RHOQ: variants seen among roughly 807,000 people sequenced by gnomAD.
The protein encoded by RHOQ is rho-related GTP-binding protein RhoQ.
In RHOQ, 7 loss-of-function variants were observed where a neutral mutation model predicts 25.8. The ratio of observed to expected loss-of-function variants is 0.27; its 90% CI spans 0.15 to 0.51. The LOEUF (loss-of-function observed/expected upper bound fraction) is 0.51, where lower values mean the gene tolerates loss of function less well. Ranked by LOEUF, RHOQ falls within the 20% of genes least tolerant of loss-of-function variation. The pLI is 0.97. For missense variants in RHOQ, 165 were observed against 260.6 expected (o/e 0.63, Z 2.53); for synonymous variants, 97 against 98.6 (o/e 0.98, Z 0.10).
At chr2:46,557,797 A>G (rs552003164) in intron 2 of RHOQ, among the ~76,000 whole-genome samples, 2 of 152,356 alleles carry the variant, frequency 1.3e-5, no homozygotes, top group South Asian at 2.1e-4. Flanking sequence ...GTTTATTTTG[A>G]TAACAAATAT....
intron 2 of RHOQ, among the ~76,000 whole-genome samples, chr2:46,561,985 G>A (rs1668592909): frequency 6.6e-6 from 1 of 152,140 alleles, no homozygotes; most frequent in Non-Finnish European, 1.5e-5. Flanking sequence ...GTGTCTCACT[G>A]GTTGCTTAAC....
At position 46,543,191 on chromosome 2, in the gene RHOQ, A is replaced by T. The variant is rs1251305945; in HGVS notation, c.142+3A>T. 2.5e-6 allele frequency: 4 copies of T among 1,611,412 alleles called. No homozygotes were observed. The African/African-American group carries it at 4.0e-5, about 16-fold the overall frequency. On this transcript the variant is annotated splice_donor_region_variant and intron_variant, in intron 1 of 4. Transcript: ENST00000238738. Reference sequence around the variant, plus strand: ...CACCGTCTTCGACCACTACGCAGGTAAGCCTCGGAACTGCTGACTAAGGGG... The same window carrying T: ...CACCGTCTTCGACCACTACGCAGGTTAGCCTCGGAACTGCTGACTAAGGGG...
chr2:46,558,904 C>A (rs984991463), intron 2 of RHOQ, among the ~76,000 whole-genome samples: 1 of 151,850 alleles, frequency 6.6e-6, no homozygotes, highest in Non-Finnish European at 1.5e-5. Context: ...GTGCCTTTTC[C>A]TGTTGTCTGG....
Position 46,563,742 on chromosome 2 carries a change from A to G in RHOQ, c.202-12345A>G, listed in dbSNP as rs1668642566. On this transcript the variant is annotated intron_variant, in intron 2 of 4. Transcript: ENST00000238738. ...AGTGTGCATGTGTGCATACACACGCATGTGTGTCTGGGTACCTGTAAGGCA... is the reference window on the plus strand; with the variant it reads ...AGTGTGCATGTGTGCATACACACGCGTGTGTGTCTGGGTACCTGTAAGGCA... 2.6e-5 allele frequency among the ~76,000 whole-genome samples: 4 copies of G among 152,078 alleles called. No homozygotes were observed. The South Asian group carries it at 8.3e-4, about 31-fold the overall frequency.
Position 46,555,677 on chromosome 2 carries a change from T to C in RHOQ, c.201+11865T>C, listed in dbSNP as rs1435338860. Among the ~76,000 whole-genome samples the C allele has an allele frequency of 6.6e-6, 1 of 152,238 alleles. No homozygotes were observed. Among genetic ancestry groups the C allele is most frequent in the Non-Finnish European group, 1.5e-5 (1 of 68,034 alleles). ...AGGTCTGTTTGGATGAAATACTGGC[T>C]ATGCGCATGTACTGTTCTCCAGCAA... On this transcript the variant is annotated intron_variant, in intron 2 of 4. Transcript: ENST00000238738. This position sits in a 1 kb window ranked among gnomAD's most constrained non-coding sequence, Gnocchi z 4.3.
intron 2 of RHOQ, among the ~76,000 whole-genome samples, chr2:46,570,268 G>A (rs548105942): frequency 6.6e-5 from 10 of 152,026 alleles, no homozygotes; most frequent in South Asian, 2.1e-4. Context: ...GTGAACACCC[G>A]TTTCTACTAA....
In RHOQ at chr2:46,576,461, A is replaced by G. The variant is rs1352236592; in HGVS notation, c.367-100A>G. On this transcript the variant is annotated intron_variant, in intron 3 of 4. Coordinates refer to ENST00000238738, the MANE Select transcript of RHOQ (RefSeq NM_012249.4). This position sits in a 1 kb window ranked among gnomAD's most constrained non-coding sequence, Gnocchi z 5.1. ...TTTTAAAAATTAAGTTCTTTTGTTT[A>G]ATCTTTTTTTGGTATGTGGGAATTA... is the stretch of plus-strand genomic sequence containing the variant. 1.1e-6 allele frequency: 1 copy of G among 930,336 alleles called. No individual in the cohort carries two copies. Among genetic ancestry groups the G allele is most frequent in the Admixed American group, 2.7e-5 (1 of 37,384 alleles). 57.6% of individuals were successfully genotyped at this position (930,336 alleles called of 1,614,324 possible). A position where few individuals can be genotyped will look rare whatever the true frequency, so the allele number is the denominator to read the frequency against.
chr2:46,551,456 T>C lies in RHOQ; in HGVS notation c.201+7644T>C, dbSNP rs1199193778. ...CTCATATTCTGAGTGGGAAGAATAG[T>C]GTAGGGAGGAACGGCAGAGGGGGTG... On this transcript the variant is annotated intron_variant, in intron 2 of 4. Transcript: ENST00000238738. Among the ~76,000 whole-genome samples the C allele has an allele frequency of 1.3e-4, 20 of 152,074 alleles. 1 individual carries two copies. Among genetic ancestry groups the C allele is most frequent in the Admixed American group, 1.3e-3 (20 of 15,266 alleles).
intron 2 of RHOQ, among the ~76,000 whole-genome samples, chr2:46,550,903 G>T (rs368536764): frequency 3.9e-5 from 6 of 152,182 alleles, no homozygotes; most frequent in Middle Eastern, 3.2e-3. Flanking sequence ...GCCACAGAAA[G>T]GTCCACTACA....
rs1265980630 is a variant in RHOQ, at chr2:46,548,351, G to A, written c.201+4539G>A. On this transcript the variant is annotated intron_variant, in intron 2 of 4. Transcript: ENST00000238738. The surrounding 1 kb of genome is among the most constrained non-coding windows in gnomAD (Gnocchi z 5.2). ...GCAGGCTTGGCATGCCCCACCTTCTGCATTTTAGCAGAAGGGCCTGGCATG... is the reference window on the plus strand; with the variant it reads ...GCAGGCTTGGCATGCCCCACCTTCTACATTTTAGCAGAAGGGCCTGGCATG... 6.6e-6 allele frequency among the ~76,000 whole-genome samples: 1 copy of A among 152,174 alleles called. No homozygotes were observed. Among genetic ancestry groups the A allele is most frequent in the African/African-American group, 2.4e-5 (1 of 41,434 alleles).
intron 2 of RHOQ, among the ~76,000 whole-genome samples, chr2:46,570,962 C>T (rs1001954217): frequency 1.3e-5 from 2 of 152,172 alleles, no homozygotes; most frequent in Admixed American, 6.5e-5. Flanking sequence ...GTAATACATT[C>T]CTATAGTACT....
intron 2 of RHOQ, among the ~76,000 whole-genome samples, chr2:46,567,759 T>G (rs552342422): frequency 9.9e-5 from 15 of 152,212 alleles, no homozygotes; most frequent in African/African-American, 3.4e-4. Context: ...ATTACCTTCC[T>G]AGAAAATTCA....
chr2:46,561,195 A>G (rs1668567628), intron 2 of RHOQ, among the ~76,000 whole-genome samples: 1 of 152,044 alleles, frequency 6.6e-6, no homozygotes, highest in Non-Finnish European at 1.5e-5. Context: ...ATGTGTATAT[A>G]TGTACATATG....
At chr2:46,553,241 C>A (rs1668295784) in intron 2 of RHOQ, among the ~76,000 whole-genome samples, 1 of 152,134 alleles carries the variant, frequency 6.6e-6, no homozygotes, top group African/African-American at 2.4e-5. Flanking sequence ...CCTGCCCCCT[C>A]CCTCCCTACC....
rs182919091 is a variant in RHOQ, at chr2:46,582,748, T to C, written c.*1665T>C. 338 of 152,746 alleles carry C rather than the reference T, an allele frequency of 2.2e-3. 1 individual carries two copies. The highest frequency in any genetic ancestry group is 3.0e-3 in the Non-Finnish European group (205 of 67,994). The allele number at this position is 152,746 out of a possible 1,614,324, so 9.5% of individuals were successfully genotyped here. On this transcript the variant is annotated 3_prime_UTR_variant, in exon 5 of 5. Transcript: ENST00000238738. ...TATACTTGAAAATGACAGCCTTAAA[T>C]GCTCATATCAGTCACAAATCTAGGA...
At chr2:46,551,824 A>G (rs1008946824) in intron 2 of RHOQ, among the ~76,000 whole-genome samples, 2 of 152,224 alleles carry the variant, frequency 1.3e-5, no homozygotes, top group African/African-American at 4.8e-5. Flanking sequence ...TTTACAGCAC[A>G]TAAAGCATGT....
chr2:46,579,218 G>A (rs373212710), intron 4 of RHOQ, among the ~76,000 whole-genome samples: 7 of 152,168 alleles, frequency 4.6e-5, no homozygotes, highest in Non-Finnish European at 1.0e-4. Flanking sequence ...GACTCTCTTG[G>A]TTTTTCTCCC....
In RHOQ at chr2:46,555,070, C is replaced by A. The variant is rs1349342233; in HGVS notation, c.201+11258C>A. 6.6e-6 allele frequency among the ~76,000 whole-genome samples: 1 copy of A among 152,226 alleles called. No individual in the cohort carries two copies. The highest frequency in any genetic ancestry group is 2.4e-5 in the African/African-American group (1 of 41,454). On this transcript the variant is annotated intron_variant, in intron 2 of 4. Coordinates refer to ENST00000238738, the MANE Select transcript of RHOQ (RefSeq NM_012249.4). The surrounding 1 kb of genome is among the most constrained non-coding windows in gnomAD (Gnocchi z 4.3). ...GGAAGGGACTGGACACGAGGAGGGACAGAGCAGGCAGATGGGGGCTCTGCT... is the reference window on the plus strand; with the variant it reads ...GGAAGGGACTGGACACGAGGAGGGAAAGAGCAGGCAGATGGGGGCTCTGCT...
chr2:46,572,162 G>A lies in RHOQ; in HGVS notation c.202-3925G>A, dbSNP rs1173722642. ...GACAGGGTCTCACTCTGTCACCCAG[G>A]CATGTTCATGGCTCACTGCAGGCCC... On this transcript the variant is annotated intron_variant, in intron 2 of 4. Coordinates refer to ENST00000238738, the MANE Select transcript of RHOQ (RefSeq NM_012249.4). 5.5e-5 allele frequency among the ~76,000 whole-genome samples: 7 copies of A among 127,248 alleles called. No homozygotes were observed. In the Admixed American group the frequency reaches 5.5e-4, roughly 10 times the overall value. 83.5% of individuals were successfully genotyped at this position (127,248 alleles called of 152,430 possible).
Sources: gnomAD v4.1 joint callset for allele counts (sites outside exome capture counted in the v4.1 genomes callset) on GRCh38, gnomAD v4.1.1 for gene constraint, Gnocchi (gnomAD v3.1) non-coding constraint, MANE v1.5 for transcripts, NCBI Gene and HGNC (gene_info 2026-07-23, HGNC 2026-07-21) for gene names.